TAS2R1: variants seen among roughly 807,000 people sequenced by gnomAD.
TAS2R1 encodes taste receptor type 2 member 1.
For missense variants in TAS2R1, 370 were observed against 353.4 expected (o/e 1.05, Z -0.38); for synonymous variants, 141 against 134.2 (o/e 1.05, Z -0.35).
At chr5:9,764,357 A>G in the TAS2R1 span, among the ~76,000 whole-genome samples, 1 of 152,210 alleles carries the variant, frequency 6.6e-6, no homozygotes, top group African/African-American at 2.4e-5. Context: ...AAATGTTAGC[A>G]CTTTTAAGAT....
rs538264268 is a variant in TAS2R1 at position 9,682,527 on chromosome 5, C to A, written c.-241-22946G>T. On this transcript the variant is annotated intron_variant, in intron 1 of 2. Coordinates refer to the TAS2R1 transcript ENST00000506620. ...CCCGTCACCCTTCCTTCTGTGTGAC[C>A]CTGATGAAGAAATAAATACTCCCTG... Among the ~76,000 whole-genome samples the A allele has an allele frequency of 1.3e-4, 20 of 152,034 alleles. 1 individual carries two copies. In the South Asian group the frequency reaches 2.5e-3, roughly 19 times the overall value.
intron 1 of TAS2R1, among the ~76,000 whole-genome samples, chr5:9,703,064 A>G (rs41480): frequency 0.23 from 34,896 of 152,162 alleles, 4,202 homozygotes; most frequent in Admixed American, 0.33. Flanking sequence ...CAGGGACCAC[A>G]GTTGGGCTGA....
At chr5:9,666,646 G>A (rs576974177) in intron 1 of TAS2R1, among the ~76,000 whole-genome samples, 8 of 152,166 alleles carry the variant, frequency 5.3e-5, no homozygotes, top group African/African-American at 1.9e-4. Context: ...TTGCTGGGTG[G>A]GGTGGGGGCA....
chr5:9,673,497 T>G lies in TAS2R1; in HGVS notation c.-241-13916A>C, dbSNP rs146935044. ...ATGTTATAAAATCATCACATATTTG[T>G]ATCTAAGTGGCTTCTTTAAACCCTA... is the stretch of plus-strand genomic sequence containing the variant. On this transcript the variant is annotated intron_variant, in intron 1 of 2. Transcript: ENST00000506620. 2.1e-3 allele frequency among the ~76,000 whole-genome samples: 327 copies of G among 152,204 alleles called. 2 individuals carry two copies. Among genetic ancestry groups the G allele is most frequent in the African/African-American group, 6.8e-3 (281 of 41,586 alleles).
intron 1 of TAS2R1, among the ~76,000 whole-genome samples, chr5:9,693,061 T>A (rs1741281077): frequency 6.6e-6 from 1 of 152,116 alleles, no homozygotes; most frequent in Non-Finnish European, 1.5e-5. Flanking sequence ...TCCTCATCAC[T>A]GCATGAACCT....
chr5:9,749,980 C>T, the TAS2R1 span, among the ~76,000 whole-genome samples: 1 of 152,178 alleles, frequency 6.6e-6, no homozygotes, highest in Admixed American at 6.5e-5. Context: ...TTGAGAGGCC[C>T]TCACCAGCAT....
At chr5:9,723,665 T>C in the TAS2R1 span, among the ~76,000 whole-genome samples, 645 of 152,296 alleles carry the variant, frequency 4.2e-3, 2 homozygotes, top group Middle Eastern at 6.8e-3. Context: ...TGAGCCGCCA[T>C]TGGCAACTCA....
the TAS2R1 span, among the ~76,000 whole-genome samples, chr5:9,821,623 T>C: frequency 6.6e-6 from 1 of 152,218 alleles, no homozygotes; most frequent in Admixed American, 6.5e-5. Flanking sequence ...CAAGATGCTA[T>C]GGCAAATAGA....
At chr5:9,792,142 CT>C in the TAS2R1 span, among the ~76,000 whole-genome samples, 2 of 152,154 alleles carry the variant, frequency 1.3e-5, no homozygotes, top group Non-Finnish European at 2.9e-5. Context: ...GGATCTGGAA[CT>C]TTTTTCTACT....
chr5:9,644,960 G>A (rs1335155422), intron 2 of TAS2R1, among the ~76,000 whole-genome samples: 1 of 152,062 alleles, frequency 6.6e-6, no homozygotes, highest in Non-Finnish European at 1.5e-5. Flanking sequence ...AGGAAGATTG[G>A]TCTGCAGATT....
rs542096768 is a variant in TAS2R1 at position 9,645,304 on chromosome 5, C to G, written c.-81+14117G>C. 4.6e-5 allele frequency among the ~76,000 whole-genome samples: 7 copies of G among 152,248 alleles called. No individual in the cohort carries two copies. The East Asian group carries it at 1.4e-3, about 29-fold the overall frequency. ...GGTGCACTGAGGTCTGGAAATTGCC[C>G]TCAGTCATGCAGCTAAAAAGCAGCA... On this transcript the variant is annotated intron_variant, in intron 2 of 2. Coordinates refer to the TAS2R1 transcript ENST00000506620.
intron 1 of TAS2R1, among the ~76,000 whole-genome samples, chr5:9,699,699 T>C (rs780251616): frequency 2.1e-4 from 32 of 152,296 alleles, no homozygotes; most frequent in Non-Finnish European, 4.1e-4. Flanking sequence ...AGGAACCTGA[T>C]GAGTTGAAAG....
the TAS2R1 span, among the ~76,000 whole-genome samples, chr5:9,896,020 C>A: frequency 1.3e-5 from 2 of 152,208 alleles, no homozygotes; most frequent in African/African-American, 4.8e-5. Flanking sequence ...TTATAACTAG[C>A]TTCTTAGTGT....
At chr5:9,801,702 G>A in the TAS2R1 span, among the ~76,000 whole-genome samples, 1 of 152,184 alleles carries the variant, frequency 6.6e-6, no homozygotes, top group Non-Finnish European at 1.5e-5. Flanking sequence ...TGGGAAGTGA[G>A]ACCAGCCTTT....
intron 1 of TAS2R1, among the ~76,000 whole-genome samples, chr5:9,663,934 G>A (rs930142400): frequency 1.4e-4 from 21 of 152,120 alleles, no homozygotes; most frequent in African/African-American, 4.6e-4. Context: ...AATTGCCCAC[G>A]GCTCCCAGAA....
chr5:9,682,415 T>C (rs183337907), intron 1 of TAS2R1, among the ~76,000 whole-genome samples: 56 of 152,264 alleles, frequency 3.7e-4, no homozygotes, highest in African/African-American at 1.3e-3. Flanking sequence ...AGCCCTGCCT[T>C]GTGCTTTCTG....
the TAS2R1 span, among the ~76,000 whole-genome samples, chr5:9,778,759 G>A: frequency 6.6e-6 from 1 of 152,178 alleles, no homozygotes; most frequent in Non-Finnish European, 1.5e-5. Flanking sequence ...GAAAGTTAGG[G>A]CCTTGCTCTG....
the TAS2R1 span, among the ~76,000 whole-genome samples, chr5:9,869,502 C>T: frequency 1.3e-5 from 2 of 152,146 alleles, no homozygotes; most frequent in African/African-American, 4.8e-5. Context: ...GTCATTCCCA[C>T]GACATGTGGA....
At chr5:9,798,559 T>G in the TAS2R1 span, among the ~76,000 whole-genome samples, 6 of 152,328 alleles carry the variant, frequency 3.9e-5, no homozygotes, top group African/African-American at 1.4e-4. Context: ...AAGGCATTGA[T>G]TTCCTCCTGG....
Sources: gnomAD v4.1 joint callset for allele counts (sites outside exome capture counted in the v4.1 genomes callset) on GRCh38, gnomAD v4.1.1 for gene constraint, MANE v1.5 for transcripts, NCBI Gene and HGNC (gene_info 2026-07-23, HGNC 2026-07-21) for gene names.